Variants in NBEA observed in about 807,000 individuals in gnomAD.
The protein encoded by NBEA is lysosomal-trafficking regulator 2.
A neutral mutation model predicts 343.4 loss-of-function variants in NBEA; 44 were observed. That is an observed-to-expected ratio of 0.13 (90% CI 0.10 to 0.16). The LOEUF (loss-of-function observed/expected upper bound fraction) is 0.16. Among genes scored for constraint, NBEA ranks in the 10% least tolerant of loss-of-function variants. The probability of loss-of-function intolerance (pLI) is 1.00; values close to 1 mark genes in which losing one functional copy is unlikely to be tolerated. For synonymous variants in NBEA, 1,175 were observed against 1,238.7 expected (o/e 0.95, Z 1.08); for missense variants, 2,555 against 3,631.3 (o/e 0.70, Z 7.62).
At chr13:35,495,437 A>T (rs1195082440) in intron 41 of NBEA, among the ~76,000 whole-genome samples, 1 of 152,024 alleles carries the variant, frequency 6.6e-6, no homozygotes, top group Non-Finnish European at 1.5e-5. Context: ...AAACTTCAAT[A>T]CCCCGCTTTC....
intron 1 of NBEA, among the ~76,000 whole-genome samples, chr13:34,943,358 C>T (rs951190054): frequency 2.6e-5 from 4 of 151,200 alleles, no homozygotes; most frequent in African/African-American, 9.7e-5. Flanking sequence ...CTTAACACCG[C>T]TTCTTCTCAC....
intron 17 of NBEA, among the ~76,000 whole-genome samples, chr13:35,137,188 T>C (rs1194776233): frequency 6.6e-6 from 1 of 152,204 alleles, no homozygotes; most frequent in Non-Finnish European, 1.5e-5. Context: ...CGGTGGCTCA[T>C]GCCTGCAATC....
intron 55 of NBEA, among the ~76,000 whole-genome samples, chr13:35,657,846 A>G (rs1398262095): frequency 1.3e-5 from 2 of 152,174 alleles, no homozygotes; most frequent in Non-Finnish European, 2.9e-5. Context: ...TGTTATTTCC[A>G]AAAAGGGGAT....
chr13:35,232,531 T>C lies in NBEA; in HGVS notation c.5688T>C (p.Ala1896=). 2 of 1,549,446 alleles carry C rather than the reference T, an allele frequency of 1.3e-6. No individual in the cohort carries two copies. Among genetic ancestry groups the C allele is most frequent in the Non-Finnish European group, 1.7e-6 (2 of 1,145,400 alleles). ...TTGAAAGAGCGTTAGAAAAAGTTGC[T>C]CCTCTTCTTCGTGAAATTTTTGTAG... The part of the protein sequence containing the change: ...AKLERALEKV[A]PLLREIFVDF... The change falls in exon 34 of 59, where the codon GCT becomes GCC. Residue 1896 remains alanine (A), a synonymous_variant. Coordinates refer to ENST00000379939, the MANE Select transcript of NBEA (RefSeq NM_001385012.1).
intron 25 of NBEA, chr13:35,171,055 A>G (rs1187225829): frequency 1.5e-6 from 1 of 673,252 alleles, no homozygotes; most frequent in South Asian, 1.5e-5. Context: ...GTTGATTTTA[A>G]AATGGGCTTT....
chr13:35,507,081 T>C (rs2077097453), intron 41 of NBEA, among the ~76,000 whole-genome samples: 1 of 152,196 alleles, frequency 6.6e-6, no homozygotes, highest in Non-Finnish European at 1.5e-5. Context: ...GAAAATGCTT[T>C]TGTTAAGGTC....
At chr13:35,408,985 C>G (rs574858768) in intron 38 of NBEA, among the ~76,000 whole-genome samples, 3 of 152,206 alleles carry the variant, frequency 2.0e-5, no homozygotes, top group Non-Finnish European at 2.9e-5. Context: ...TCCAGCAATC[C>G]CATTACTGGG....
At chr13:35,310,241 C>G (rs1214005057) in intron 36 of NBEA, among the ~76,000 whole-genome samples, 1 of 152,046 alleles carries the variant, frequency 6.6e-6, no homozygotes, top group African/African-American at 2.4e-5. Flanking sequence ...CAAAAACAGG[C>G]TCTGTATGCT....
chr13:35,423,222 C>T (rs1245163136), intron 38 of NBEA, among the ~76,000 whole-genome samples: 2 of 152,212 alleles, frequency 1.3e-5, no homozygotes, highest in East Asian at 3.9e-4. Context: ...AATTCCTTGC[C>T]CATGCCTATG....
At chr13:35,173,689 T>TA in intron 27 of NBEA, 95 bp downstream of exon 27, 1 of 1,217,266 alleles carries the variant, frequency 8.2e-7, no homozygotes, top group Non-Finnish European at 1.1e-6. Context: ...TGCTCAGTGA[T>TA]AGAGAGCAAG....
At chr13:35,496,963 A>G (rs1476163525) in intron 41 of NBEA, among the ~76,000 whole-genome samples, 2 of 152,068 alleles carry the variant, frequency 1.3e-5, no homozygotes. Flanking sequence ...TCCTAACTTT[A>G]TCAAATCTAA....
chr13:35,162,399 C>A lies in NBEA; in HGVS notation c.4079+432C>A, dbSNP rs1381052883. On this transcript the variant is annotated intron_variant, in intron 23 of 58. Transcript: ENST00000379939. ...AAGTAGCAAGGGCAACTTAAATGAT[C>A]TAGCACAACATTCTTAGAAATGTTG... Among the ~76,000 whole-genome samples the A allele has an allele frequency of 3.9e-5, 6 of 152,134 alleles. 1 individual carries two copies. In the South Asian group the frequency reaches 1.2e-3, roughly 32 times the overall value.
At chr13:34,972,182 C>T (rs1389099577) in intron 1 of NBEA, among the ~76,000 whole-genome samples, 2 of 151,494 alleles carry the variant, frequency 1.3e-5, no homozygotes, top group Non-Finnish European at 3.0e-5. Context: ...GGAGTATTCC[C>T]CTTACCATTT....
chr13:35,067,958 A>G (rs1178664365), intron 8 of NBEA, among the ~76,000 whole-genome samples: 5 of 151,936 alleles, frequency 3.3e-5, no homozygotes, highest in Non-Finnish European at 7.4e-5. Context: ...GGCTGATCTC[A>G]AACTCCGGGC....
chr13:35,468,304 C>A (rs2075486177), intron 40 of NBEA, among the ~76,000 whole-genome samples: 1 of 152,158 alleles, frequency 6.6e-6, no homozygotes, highest in Non-Finnish European at 1.5e-5. Flanking sequence ...CAACTTCATA[C>A]AGGGTTGTGT....
chr13:35,402,458 A>G (rs1424752420), intron 38 of NBEA, among the ~76,000 whole-genome samples: 1 of 152,054 alleles, frequency 6.6e-6, no homozygotes, highest in Non-Finnish European at 1.5e-5. Context: ...TTTTATTATT[A>G]TAATACTCTT....
At chr13:35,483,947 T>C (rs2076212671) in intron 41 of NBEA, among the ~76,000 whole-genome samples, 1 of 152,022 alleles carries the variant, frequency 6.6e-6, no homozygotes, top group African/African-American at 2.4e-5. Flanking sequence ...TATTCATCTG[T>C]TAAAAGGAAA....
In NBEA at chr13:34,942,718, TG is replaced by T; in HGVS notation, c.-99del. The stretch of plus-strand genomic sequence containing the variant: ...CCGGCGCCGCGGCGCTGGTGGATGC[TG>T]GGGCTCCGAGGCGACGGCCGGGGGG... On this transcript the variant is annotated 5_prime_UTR_variant, in exon 1 of 59. It introduces an in-frame stop codon into an upstream open reading frame of the 5' UTR. Coordinates refer to ENST00000379939, the MANE Select transcript of NBEA (RefSeq NM_001385012.1). 1 of 934,598 alleles carries T rather than the reference TG, an allele frequency of 1.1e-6. No individual in the cohort carries two copies. The highest frequency in any genetic ancestry group is 1.4e-6 in the Non-Finnish European group (1 of 719,228). 57.9% of individuals were successfully genotyped at this position (934,598 alleles called of 1,614,324 possible).
chr13:34,963,264 T>G (rs527309222), intron 1 of NBEA, among the ~76,000 whole-genome samples: 2 of 152,146 alleles, frequency 1.3e-5, no homozygotes, highest in Non-Finnish European at 2.9e-5. Flanking sequence ...CTCCTTGGCT[T>G]GCAGATGGCC....
Sources: allele counts gnomAD v4.1 joint callset (sites outside exome capture counted in the v4.1 genomes callset), GRCh38; gene constraint gnomAD v4.1.1; transcripts MANE v1.5; gene names NCBI Gene and HGNC (gene_info 2026-07-23, HGNC 2026-07-21).